The following LRMDA variants were observed in gnomAD, a reference collection of about 807,000 sequenced individuals.
LRMDA encodes leucine-rich melanocyte differentiation-associated protein.
Under a neutral mutation model 29.8 loss-of-function variants are expected in LRMDA, and 18 were observed. That is an observed-to-expected ratio of 0.60 (90% CI 0.42 to 0.90). The LOEUF (loss-of-function observed/expected upper bound fraction) is 0.90. LRMDA is among the 40% of genes least tolerant of loss of function. The pLI is 0.00. For synonymous variants in LRMDA, 125 were observed against 109.4 expected, an observed-to-expected ratio of 1.14 and a Z score of -0.89; for missense variants, 273 against 273.9, an observed-to-expected ratio of 1.00 and a Z score of 0.02.
intron 5 of LRMDA, among the ~76,000 whole-genome samples, chr10:76,085,356 T>C (rs1291600301): frequency 2.0e-5 from 3 of 152,234 alleles, no homozygotes; most frequent in Non-Finnish European, 2.9e-5. Context: ...TGGGGGATAC[T>C]GGACAGCAAA....
chr10:76,138,471 G>A (rs1337813506), intron 5 of LRMDA, among the ~76,000 whole-genome samples: 1 of 152,020 alleles, frequency 6.6e-6, no homozygotes, highest in Non-Finnish European at 1.5e-5. Flanking sequence ...CCTCCCCCAG[G>A]TCAGGCATTC....
chr10:76,477,563 T>C (rs1842688485), intron 6 of LRMDA, among the ~76,000 whole-genome samples: 1 of 152,108 alleles, frequency 6.6e-6, no homozygotes, highest in Non-Finnish European at 1.5e-5. Flanking sequence ...TTAAAGTTCA[T>C]ATGGAACCGA....
rs372056321 is a variant in LRMDA at position 76,319,353 on chromosome 10, C to G, written c.517-5048C>G. Reference sequence around the variant, plus strand: ...TTCAGAAAGTTAATATAGTTAATCTCCAAAGCTCTCTGTTAGTATGAGTGA... The same window carrying G: ...TTCAGAAAGTTAATATAGTTAATCTGCAAAGCTCTCTGTTAGTATGAGTGA... On this transcript the variant is annotated intron_variant, in intron 5 of 6. Transcript: ENST00000611255. 2.6e-5 allele frequency: 4 copies of G among 152,174 alleles called. No individual in the cohort carries two copies. In the East Asian group the frequency reaches 7.7e-4, roughly 29 times the overall value. 9.4% of individuals were successfully genotyped at this position (152,174 alleles called of 1,614,324 possible). A position where few individuals can be genotyped will look rare whatever the true frequency, so the allele number is the denominator to read the frequency against.
intron 5 of LRMDA, among the ~76,000 whole-genome samples, chr10:76,235,728 C>G (rs927720154): frequency 6.6e-6 from 1 of 152,076 alleles, no homozygotes; most frequent in Non-Finnish European, 1.5e-5. Context: ...CTGGCAGGGA[C>G]ATGAGTTTTG....
intron 6 of LRMDA, among the ~76,000 whole-genome samples, chr10:76,547,467 T>C (rs1030434077): frequency 2.0e-5 from 3 of 152,190 alleles, no homozygotes; most frequent in African/African-American, 7.2e-5. Context: ...AGTGTGGCTA[T>C]AATGGCTCTC....
chr10:75,553,614 C>T (rs1008084436), intron 2 of LRMDA, among the ~76,000 whole-genome samples: 3 of 152,086 alleles, frequency 2.0e-5, no homozygotes, highest in African/African-American at 4.8e-5. Flanking sequence ...GGGCAGCAGG[C>T]CTCTATATCT....
chr10:75,715,383 T>TA (rs944959683), intron 2 of LRMDA, among the ~76,000 whole-genome samples: 13 of 151,642 alleles, frequency 8.6e-5, no homozygotes, highest in Middle Eastern at 3.4e-3. Context: ...AACTTCTGAA[T>TA]AAAAAAAAAT....
intron 3 of LRMDA, among the ~76,000 whole-genome samples, chr10:76,042,024 A>C (rs1392825900): frequency 2.6e-5 from 4 of 152,184 alleles, no homozygotes. Flanking sequence ...TTTTCTATGC[A>C]TCTTGACAAA....
At position 76,468,951 on chromosome 10, in the gene LRMDA, G is replaced by A. The variant is rs141352290; in HGVS notation, c.602-88258G>A. Among the ~76,000 whole-genome samples, 108 of 152,306 alleles carry A rather than the reference G, an allele frequency of 7.1e-4. 1 individual carries two copies. In the East Asian group the frequency reaches 0.016, roughly 22 times the overall value. ...ATCCATTTCTAGAAAGGCAAAGTGC[G>A]AGGAGCTCTGTGACCTGCTCCCCAG... is the stretch of plus-strand genomic sequence containing the variant. On this transcript the variant is annotated intron_variant, in intron 6 of 6. Coordinates refer to ENST00000611255, the MANE Select transcript of LRMDA (RefSeq NM_001305581.2).
chr10:75,692,595 G>GTGTGTGTA (rs1842184421), intron 2 of LRMDA, among the ~76,000 whole-genome samples: 1 of 141,318 alleles, frequency 7.1e-6, no homozygotes, highest in Non-Finnish European at 1.6e-5. Context: ...GTGTGTGTGT[G>GTGTGTGTA]TGTGTGTGTG....
chr10:75,776,677 TAG>T (rs927277031), intron 2 of LRMDA, among the ~76,000 whole-genome samples: 1 of 152,220 alleles, frequency 6.6e-6, no homozygotes, highest in African/African-American at 2.4e-5. Context: ...TACCCTGTCT[TAG>T]AGAGAAGAAA....
chr10:76,235,328 A>T (rs1294684648), intron 5 of LRMDA, among the ~76,000 whole-genome samples: 1 of 152,194 alleles, frequency 6.6e-6, no homozygotes, highest in Non-Finnish European at 1.5e-5. Flanking sequence ...CTGATCACAG[A>T]TCACCATAAC....
chr10:75,672,847 C>G (rs1016281265), intron 2 of LRMDA, among the ~76,000 whole-genome samples: 2 of 151,492 alleles, frequency 1.3e-5, no homozygotes, highest in South Asian at 4.2e-4. Flanking sequence ...GCTGGGGTTA[C>G]AGGCTTGAAC....
chr10:75,435,033 A>T (rs1844248547), intron 1 of LRMDA, among the ~76,000 whole-genome samples: 3 of 152,208 alleles, frequency 2.0e-5, no homozygotes, highest in African/African-American at 7.2e-5. Flanking sequence ...TTAACTTGTT[A>T]TATTTTCATT....
At chr10:76,124,792 T>C (rs1206846166) in intron 5 of LRMDA, among the ~76,000 whole-genome samples, 1 of 152,224 alleles carries the variant, frequency 6.6e-6, no homozygotes, top group Non-Finnish European at 1.5e-5. Context: ...TTTCACCATT[T>C]GGACAGTGAA....
intron 5 of LRMDA, among the ~76,000 whole-genome samples, chr10:76,187,690 A>G (rs1851174510): frequency 6.6e-6 from 1 of 152,138 alleles, no homozygotes; most frequent in Non-Finnish European, 1.5e-5. Context: ...GGACAGAGGT[A>G]AGGAAGGGAA....
intron 5 of LRMDA, among the ~76,000 whole-genome samples, chr10:76,309,331 C>T (rs576766014): frequency 1.3e-3 from 192 of 152,146 alleles, no homozygotes; most frequent in Non-Finnish European, 2.4e-3. Flanking sequence ...GTCAGAGCTT[C>T]CTCTGTCTGT....
chr10:76,207,181 A>G (rs991323058), intron 5 of LRMDA, among the ~76,000 whole-genome samples: 1 of 151,766 alleles, frequency 6.6e-6, no homozygotes, highest in South Asian at 2.1e-4. Context: ...CTAACCTACC[A>G]TTGTACATAA....
chr10:75,782,046 G>T (rs1191993653), intron 2 of LRMDA, among the ~76,000 whole-genome samples: 1 of 152,154 alleles, frequency 6.6e-6, no homozygotes, highest in Non-Finnish European at 1.5e-5. Context: ...CCTTTCCTTT[G>T]TGAAGCATGT....
Sources: allele counts gnomAD v4.1 joint callset (sites outside exome capture counted in the v4.1 genomes callset), GRCh38; gene constraint gnomAD v4.1.1; transcripts MANE v1.5; gene names NCBI Gene and HGNC (gene_info 2026-07-23, HGNC 2026-07-21).